TXNDC16: variants seen among roughly 807,000 people sequenced by gnomAD.
The protein encoded by TXNDC16 is thioredoxin domain containing 16, also known as thioredoxin domain-containing protein 16.
Under a neutral mutation model 85.6 loss-of-function variants are expected in TXNDC16, and 74 were observed. The ratio of observed to expected loss-of-function variants is 0.86; its 90% CI spans 0.72 to 1.05. The LOEUF is 1.05. TXNDC16 is among the 50% of genes least tolerant of loss of function. The probability of loss-of-function intolerance (pLI) is 0.00; values close to 1 mark genes in which losing one functional copy is unlikely to be tolerated. For synonymous variants in TXNDC16, 335 were observed against 326.5 expected (o/e 1.03, Z -0.28); for missense variants, 959 against 947.0 (o/e 1.01, Z -0.17).
chr14:52,514,336 C>T (rs1309711010), intron 8 of TXNDC16, among the ~76,000 whole-genome samples: 3 of 152,032 alleles, frequency 2.0e-5, no homozygotes, highest in Non-Finnish European at 2.9e-5. Flanking sequence ...GATTAATTTT[C>T]CTGAAGAGCA....
chr14:52,484,255 T>C (rs996086995), intron 12 of TXNDC16, among the ~76,000 whole-genome samples: 78 of 151,992 alleles, frequency 5.1e-4, no homozygotes, highest in African/African-American at 1.8e-3. Context: ...TGGGGCCAAG[T>C]AATGGATAAC....
At chr14:52,483,168 G>A (rs1013475830) in intron 12 of TXNDC16, among the ~76,000 whole-genome samples, 2 of 152,066 alleles carry the variant, frequency 1.3e-5, no homozygotes, top group Non-Finnish European at 2.9e-5. Flanking sequence ...TAGAAGTTGG[G>A]AAGTTTTAGT....
At chr14:52,530,351 T>A (rs559255512) in intron 6 of TXNDC16, among the ~76,000 whole-genome samples, 1 of 37,266 alleles carries the variant, frequency 2.7e-5, no homozygotes, top group Non-Finnish European at 4.1e-5. Flanking sequence ...TTATATATTA[T>A]AATATAATAT....
rs762342351 is a variant in TXNDC16 at position 52,430,714 on chromosome 14, G to C, written c.*1590C>G. On this transcript the variant is annotated 3_prime_UTR_variant, in exon 21 of 21. Coordinates refer to ENST00000281741, the MANE Select transcript of TXNDC16 (RefSeq NM_020784.3). ...GTTTCTATGTGCTGGTACTTAATTAGCATTTTCTAATAATTAGGCTAATGA... is the reference window on the plus strand; with the variant it reads ...GTTTCTATGTGCTGGTACTTAATTACCATTTTCTAATAATTAGGCTAATGA... 6.6e-6 allele frequency: 1 copy of C among 152,162 alleles called. No homozygotes were observed. The highest frequency in any genetic ancestry group is 2.4e-5 in the African/African-American group (1 of 41,424). The allele number at this position is 152,162 out of a possible 1,614,324, so 9.4% of individuals were successfully genotyped here.
At chr14:52,434,844 T>G (rs1022654858) in intron 20 of TXNDC16, among the ~76,000 whole-genome samples, 2 of 152,154 alleles carry the variant, frequency 1.3e-5, no homozygotes, top group Non-Finnish European at 2.9e-5. Context: ...CAGGATTAAT[T>G]TAAGAATAGG....
chr14:52,488,323 T>A, intron 12 of TXNDC16, 40 bp downstream of exon 12: 1 of 1,607,158 alleles, frequency 6.2e-7, no homozygotes, highest in Non-Finnish European at 8.5e-7. Flanking sequence ...TTATGGGTGC[T>A]GGGCAGGATG....
chr14:52,542,681 C>T (rs568929113), intron 3 of TXNDC16, among the ~76,000 whole-genome samples: 1 of 152,178 alleles, frequency 6.6e-6, no homozygotes, highest in Admixed American at 6.5e-5. Context: ...TAAAAACTTC[C>T]TAAAACAACA....
chr14:52,523,378 T>C (rs1161081768), intron 6 of TXNDC16, among the ~76,000 whole-genome samples: 1 of 152,222 alleles, frequency 6.6e-6, no homozygotes, highest in East Asian at 1.9e-4. Context: ...CTGACCCTAC[T>C]TTTAGAGCAG....
At chr14:52,542,752 T>C (rs767827972) in intron 3 of TXNDC16, among the ~76,000 whole-genome samples, 43 of 152,156 alleles carry the variant, frequency 2.8e-4, no homozygotes, top group Admixed American at 5.9e-4. Flanking sequence ...TTTAATACCA[T>C]ATACACAACA....
chr14:52,547,981 G>A (rs1342487370), intron 1 of TXNDC16, among the ~76,000 whole-genome samples: 1 of 152,204 alleles, frequency 6.6e-6, no homozygotes, highest in Non-Finnish European at 1.5e-5. Context: ...CCAATGAAAT[G>A]TGCAAGGTGA....
intron 1 of TXNDC16, among the ~76,000 whole-genome samples, chr14:52,546,123 A>G (rs2037936507): frequency 6.6e-6 from 1 of 151,968 alleles, no homozygotes; most frequent in African/African-American, 2.4e-5. Context: ...GTCTCTATAA[A>G]AAGTAAGAAA....
At chr14:52,473,905 TC>T (rs746735469) in intron 14 of TXNDC16, among the ~76,000 whole-genome samples, 24 of 152,224 alleles carry the variant, frequency 1.6e-4, no homozygotes, top group Admixed American at 3.9e-4. Context: ...TATTATATTT[TC>T]CTAACTTATA....
chr14:52,549,778 C>T (rs1446272466), intron 1 of TXNDC16, among the ~76,000 whole-genome samples: 1 of 152,076 alleles, frequency 6.6e-6, no homozygotes, highest in Admixed American at 6.6e-5. Flanking sequence ...GCTAGGACTA[C>T]AGGCGCCCGC....
chr14:52,485,061 T>C (rs2036237634), intron 12 of TXNDC16, among the ~76,000 whole-genome samples: 1 of 151,990 alleles, frequency 6.6e-6, no homozygotes, highest in Non-Finnish European at 1.5e-5. Context: ...CTTCAGGAGG[T>C]GTTCTAAAAG....
At chr14:52,460,519 A>C (rs912082163) in intron 16 of TXNDC16, among the ~76,000 whole-genome samples, 1 of 152,240 alleles carries the variant, frequency 6.6e-6, no homozygotes, top group Admixed American at 6.5e-5. Flanking sequence ...CCTGTTCATT[A>C]TCTCTCTTTT....
intron 10 of TXNDC16, among the ~76,000 whole-genome samples, 194 bp from the exon 11 acceptor site, chr14:52,490,645 T>TA (rs1225224439): frequency 1.1e-4 from 17 of 152,304 alleles, no homozygotes; most frequent in Non-Finnish European, 2.2e-4. Context: ...CATCTTTATT[T>TA]AGCAAGGTTT....
chr14:52,551,734 G>A (rs925336570), intron 1 of TXNDC16, among the ~76,000 whole-genome samples: 3 of 151,926 alleles, frequency 2.0e-5, no homozygotes, highest in African/African-American at 7.3e-5. Flanking sequence ...GTTCTTCACA[G>A]CAGTAACACA....
At chr14:52,456,688 A>G (rs1416110703) in intron 17 of TXNDC16, among the ~76,000 whole-genome samples, 4 of 152,210 alleles carry the variant, frequency 2.6e-5, no homozygotes, top group Non-Finnish European at 5.9e-5. Context: ...AGGTAATTTA[A>G]GAAGCTAAAA....
At chr14:52,470,285 C>T (rs1426109572) in intron 15 of TXNDC16, 112 bp from the exon 16 acceptor site, 2 of 929,502 alleles carry the variant, frequency 2.2e-6, no homozygotes, top group Non-Finnish European at 3.1e-6. Context: ...TAATATCTTA[C>T]AAAATATAGA....
Sources: gnomAD v4.1 joint callset for allele counts (sites outside exome capture counted in the v4.1 genomes callset) on GRCh38, gnomAD v4.1.1 for gene constraint, MANE v1.5 for transcripts, NCBI Gene and HGNC (gene_info 2026-07-23, HGNC 2026-07-21) for gene names.